The following TMEM132C variants were observed in gnomAD, a reference collection of about 807,000 sequenced individuals.
The protein encoded by TMEM132C is protein phosphatase 1, regulatory subunit 152.
Under a neutral mutation model 61.4 loss-of-function variants are expected in TMEM132C, and 29 were observed. The ratio of observed to expected loss-of-function variants is 0.47; its 90% CI spans 0.35 to 0.64. The LOEUF is 0.64. Ranked by LOEUF, TMEM132C falls within the 30% of genes least tolerant of loss-of-function variation. The pLI, the probability that TMEM132C is intolerant of heterozygous loss-of-function variation, is 0.00. For missense variants in TMEM132C, 1,408 were observed against 1,476.9 expected, an observed-to-expected ratio of 0.95 and a Z score of 0.76; for synonymous variants, 656 against 633.1, an observed-to-expected ratio of 1.04 and a Z score of -0.54.
At position 128,511,401 on chromosome 12, in the gene TMEM132C, A is replaced by G. The variant is rs553507691; in HGVS notation, c.975-32556A>G. Among the ~76,000 whole-genome samples, 8 of 152,334 alleles carry G rather than the reference A, an allele frequency of 5.3e-5. No homozygotes were observed. The East Asian group carries it at 1.5e-3, about 29-fold the overall frequency. On this transcript the variant is annotated intron_variant, in intron 2 of 8. Transcript: ENST00000435159. ...TTCAAGTTTAGGGAGTTCCCAAACCATCGTTAGGTTTGACAGTTCTCCATA... is the reference window on the plus strand; with the variant it reads ...TTCAAGTTTAGGGAGTTCCCAAACCGTCGTTAGGTTTGACAGTTCTCCATA...
At chr12:128,322,905 A>G (rs1488189336) in intron 1 of TMEM132C, among the ~76,000 whole-genome samples, 2 of 152,194 alleles carry the variant, frequency 1.3e-5, no homozygotes, top group African/African-American at 2.4e-5. Context: ...GGCCCAGGGA[A>G]GATTAAATAT....
At chr12:128,525,337 TC>T (rs1565962407) in intron 2 of TMEM132C, among the ~76,000 whole-genome samples, 2,135 of 148,894 alleles carry the variant, frequency 0.014, 40 homozygotes, top group African/African-American at 0.05. Context: ...TCTCTCTCTC[TC>T]TCTCTTTCTC....
intron 2 of TMEM132C, among the ~76,000 whole-genome samples, chr12:128,502,018 G>C (rs1467835973): frequency 2.6e-5 from 4 of 152,204 alleles, no homozygotes; most frequent in Non-Finnish European, 5.9e-5. Flanking sequence ...AGGTGATGAT[G>C]GCTACATTTT....
At chr12:128,555,726 T>C (rs1262503558) in intron 3 of TMEM132C, among the ~76,000 whole-genome samples, 1 of 151,908 alleles carries the variant, frequency 6.6e-6, no homozygotes, top group Non-Finnish European at 1.5e-5. Context: ...TTTTTTTTTT[T>C]TTCTTTGATA....
At chr12:128,402,939 G>C (rs1328959482) in intron 1 of TMEM132C, among the ~76,000 whole-genome samples, 1 of 152,178 alleles carries the variant, frequency 6.6e-6, no homozygotes. Flanking sequence ...TAGCATCTGA[G>C]AGTGATTATG....
intron 5 of TMEM132C, among the ~76,000 whole-genome samples, chr12:128,669,938 C>G (rs774561996): frequency 2.6e-5 from 4 of 152,136 alleles, no homozygotes; most frequent in Non-Finnish European, 5.9e-5. Flanking sequence ...TGGCAGAATC[C>G]ACAATTACTT....
chr12:128,322,072 C>T (rs912621013), intron 1 of TMEM132C, among the ~76,000 whole-genome samples: 3 of 152,210 alleles, frequency 2.0e-5, no homozygotes, highest in Non-Finnish European at 2.9e-5. Context: ...AACTATTTTC[C>T]GTCCTCTCGA....
intron 1 of TMEM132C, among the ~76,000 whole-genome samples, chr12:128,406,380 C>T (rs1456212782): frequency 6.6e-6 from 1 of 152,228 alleles, no homozygotes; most frequent in Admixed American, 6.5e-5. Flanking sequence ...GCTGGATAAA[C>T]ACACTATCCT....
At chr12:128,636,866 T>C (rs1954108547) in intron 4 of TMEM132C, among the ~76,000 whole-genome samples, 1 of 152,170 alleles carries the variant, frequency 6.6e-6, no homozygotes, top group African/African-American at 2.4e-5. Flanking sequence ...GCAGCGTTTT[T>C]CCCTCTGTGC....
intron 1 of TMEM132C, chr12:128,288,719 C>T (rs534712623): frequency 6.6e-6 from 1 of 152,282 alleles, no homozygotes; most frequent in South Asian, 2.1e-4. Context: ...ATTCATGGGT[C>T]AAACCCACTG....
intron 4 of TMEM132C, among the ~76,000 whole-genome samples, chr12:128,635,462 C>CTTTTTTTTTTTTTT (rs372811916): frequency 3.8e-5 from 5 of 130,424 alleles, no homozygotes; most frequent in Non-Finnish European, 3.3e-5. Flanking sequence ...TGAGTTTTTT[C>CTTTTTTTTTTTTTT]TTTTTTTTTT....
At chr12:128,497,676 G>A (rs146164901) in intron 2 of TMEM132C, among the ~76,000 whole-genome samples, 20 of 152,260 alleles carry the variant, frequency 1.3e-4, no homozygotes, top group African/African-American at 4.6e-4. Context: ...TAAGACCATT[G>A]GAAAAGCGCA....
At chr12:128,558,243 T>A (rs1332943426) in intron 3 of TMEM132C, among the ~76,000 whole-genome samples, 1 of 152,190 alleles carries the variant, frequency 6.6e-6, no homozygotes, top group African/African-American at 2.4e-5. Context: ...TATTTTCCCT[T>A]GGTGGCTGAT....
Position 128,333,697 on chromosome 12 carries a change from T to G in TMEM132C, c.85+66210T>G, listed in dbSNP as rs371318153. On this transcript the variant is annotated intron_variant, in intron 1 of 8. Coordinates refer to ENST00000435159, the MANE Select transcript of TMEM132C (RefSeq NM_001136103.3). ...GTGTATGTGTGAGAGTGTGTGGTGT[T>G]TGTTTGTTGTCTGTATGTATGAGAG... Among the ~76,000 whole-genome samples, 356 of 124,172 alleles carry G rather than the reference T, an allele frequency of 2.9e-3. 3 individuals are homozygous for G. The highest frequency in any genetic ancestry group is 0.016 in the Middle Eastern group (3 of 184). The allele number at this position is 124,172 out of a possible 152,430, so 81.5% of individuals were successfully genotyped here. A position where few individuals can be genotyped will look rare whatever the true frequency, so the allele number is the denominator to read the frequency against.
At chr12:128,527,719 G>GTGTC (rs1383270839) in intron 2 of TMEM132C, among the ~76,000 whole-genome samples, 7 of 151,658 alleles carry the variant, frequency 4.6e-5, no homozygotes, top group Non-Finnish European at 8.8e-5. Context: ...GTGTGTGTGT[G>GTGTC]TGTGTGTGTG....
At chr12:128,595,346 G>T (rs2135569373) in intron 3 of TMEM132C, among the ~76,000 whole-genome samples, 2 of 152,282 alleles carry the variant, frequency 1.3e-5, no homozygotes, top group South Asian at 4.1e-4. Context: ...CATCTGAAGC[G>T]ACTTCTCTCC....
At chr12:128,470,729 GGTATCTGTACACTTTTTCTTA>G (rs1471254125) in intron 2 of TMEM132C, among the ~76,000 whole-genome samples, 8 of 152,120 alleles carry the variant, frequency 5.3e-5, no homozygotes, top group Non-Finnish European at 7.4e-5. Flanking sequence ...TGTTACATCA[GGTATCTGTACACTTTTTCTTA>G]GTATAAAAAG....
intron 2 of TMEM132C, among the ~76,000 whole-genome samples, chr12:128,471,582 C>A (rs963141814): frequency 2.6e-5 from 4 of 152,184 alleles, no homozygotes; most frequent in African/African-American, 4.8e-5. Context: ...TGGGAGGCAG[C>A]CTGTAACCGA....
At chr12:128,554,662 T>C (rs368347820) in intron 3 of TMEM132C, among the ~76,000 whole-genome samples, 1 of 152,246 alleles carries the variant, frequency 6.6e-6, no homozygotes, top group Non-Finnish European at 1.5e-5. Context: ...GGAACTCGAC[T>C]GTGCCTCTTT....
Sources: gnomAD v4.1 joint callset for allele counts (sites outside exome capture counted in the v4.1 genomes callset) on GRCh38, gnomAD v4.1.1 for gene constraint, MANE v1.5 for transcripts, NCBI Gene and HGNC (gene_info 2026-07-23, HGNC 2026-07-21) for gene names.